The following POU6F2 variants were observed in gnomAD, a reference collection of about 807,000 sequenced individuals.
POU6F2 encodes the protein POU domain, class 6, transcription factor 2.
In POU6F2, 31 loss-of-function variants were observed where a neutral mutation model predicts 71.3. The ratio of observed to expected loss-of-function variants is 0.43; its 90% confidence interval spans 0.33 to 0.59. The LOEUF (loss-of-function observed/expected upper bound fraction) is 0.59. POU6F2 is among the 20% of genes least tolerant of loss of function. The probability of loss-of-function intolerance (pLI) is 0.04; values close to 1 mark genes in which losing one functional copy is unlikely to be tolerated. For missense variants in POU6F2, 783 were observed against 856.8 expected (o/e 0.91, Z 1.07); for synonymous variants, 347 against 355.7 (o/e 0.98, Z 0.27).
At chr7:39,219,032 A>G (rs750537409) in intron 4 of POU6F2, among the ~76,000 whole-genome samples, 1 of 152,214 alleles carries the variant, frequency 6.6e-6, no homozygotes, top group Non-Finnish European at 1.5e-5. Flanking sequence ...GACAGGCACA[A>G]TGGAGGCTAA....
chr7:39,294,840 C>T (rs965642249), intron 4 of POU6F2, among the ~76,000 whole-genome samples: 2 of 152,082 alleles, frequency 1.3e-5, no homozygotes, highest in African/African-American at 2.4e-5. Flanking sequence ...TGTATTTGAC[C>T]CCAGGGAAGA....
intron 4 of POU6F2, among the ~76,000 whole-genome samples, chr7:39,298,966 C>G (rs1350499895): frequency 6.6e-6 from 1 of 151,850 alleles, no homozygotes; most frequent in African/African-American, 2.4e-5. Flanking sequence ...TGAGAACACA[C>G]GGACACAGGG....
intron 5 of POU6F2, among the ~76,000 whole-genome samples, chr7:39,359,808 G>A (rs1786337812): frequency 6.6e-6 from 1 of 152,150 alleles, no homozygotes; most frequent in African/African-American, 2.4e-5. Flanking sequence ...AAAATTAAAG[G>A]TTATTGCATG....
At chr7:39,229,224 G>A (rs982977221) in intron 4 of POU6F2, among the ~76,000 whole-genome samples, 12 of 152,190 alleles carry the variant, frequency 7.9e-5, no homozygotes, top group Admixed American at 3.3e-4. Context: ...AAACAATAGG[G>A]CAGCATTTGT....
At chr7:39,071,138 G>C (rs1408984426) in intron 1 of POU6F2, among the ~76,000 whole-genome samples, 1 of 152,106 alleles carries the variant, frequency 6.6e-6, no homozygotes, top group Non-Finnish European at 1.5e-5. Flanking sequence ...TATAGAATCA[G>C]TGGGAGCCCT....
chr7:39,202,940 C>CA (rs1394573407), intron 2 of POU6F2, among the ~76,000 whole-genome samples: 2 of 152,288 alleles, frequency 1.3e-5, no homozygotes, highest in South Asian at 2.1e-4. Context: ...ACTTTCTGCA[C>CA]AAAAAATATT....
chr7:39,092,942 C>T (rs1466923846), intron 2 of POU6F2, among the ~76,000 whole-genome samples: 1 of 151,986 alleles, frequency 6.6e-6, no homozygotes, highest in African/African-American at 2.4e-5. Flanking sequence ...TTTAAAACTA[C>T]CTAACCAAGA....
chr7:39,103,404 A>G (rs1791615953), intron 2 of POU6F2, among the ~76,000 whole-genome samples: 1 of 152,184 alleles, frequency 6.6e-6, no homozygotes, highest in Non-Finnish European at 1.5e-5. Flanking sequence ...CGATCAATCA[A>G]GACACTCCAT....
At chr7:39,190,707 G>A (rs548100083) in intron 2 of POU6F2, among the ~76,000 whole-genome samples, 32 of 142,260 alleles carry the variant, frequency 2.2e-4, no homozygotes, top group African/African-American at 8.1e-4. Context: ...GCATGATCTC[G>A]GCTCACTGCA....
chr7:39,067,988 G>A (rs1188247517), intron 1 of POU6F2, among the ~76,000 whole-genome samples: 1 of 152,052 alleles, frequency 6.6e-6, no homozygotes, highest in Non-Finnish European at 1.5e-5. Context: ...TTTGGCAATG[G>A]TCCACGTTCT....
At chr7:39,133,047 A>G (rs1792322280) in intron 2 of POU6F2, among the ~76,000 whole-genome samples, 1 of 152,240 alleles carries the variant, frequency 6.6e-6, no homozygotes, top group Middle Eastern at 3.2e-3. Context: ...CCCGCTCATA[A>G]AACATCACAT....
intron 2 of POU6F2, among the ~76,000 whole-genome samples, chr7:39,142,307 G>T (rs532353306): frequency 1.3e-5 from 2 of 152,244 alleles, no homozygotes; most frequent in South Asian, 4.1e-4. Flanking sequence ...ATTGTTCTCA[G>T]AACATTATAC....
chr7:39,090,282 AT>A lies in POU6F2; in HGVS notation c.277+4258del, dbSNP rs1358803430. Among the ~76,000 whole-genome samples, 9 of 152,026 alleles carry A rather than the reference AT, an allele frequency of 5.9e-5. No individual in the cohort carries two copies. The East Asian group carries it at 1.7e-3, about 29-fold the overall frequency. ...TTCTCACAGAAACATGCATTATAAG[AT>A]TTTTTTCTTTCAAATTGCCATCCAG... On this transcript the variant is annotated intron_variant, in intron 2 of 9. Transcript: ENST00000518318.
chr7:39,099,896 G>T (rs570188363), intron 2 of POU6F2, among the ~76,000 whole-genome samples: 47 of 152,250 alleles, frequency 3.1e-4, no homozygotes, highest in African/African-American at 1.1e-3. Context: ...ATCAGCAGGG[G>T]CTCTGAACGT....
chr7:39,099,972 A>G (rs1791533856), intron 2 of POU6F2, among the ~76,000 whole-genome samples: 2 of 152,228 alleles, frequency 1.3e-5, no homozygotes, highest in Admixed American at 1.3e-4. Flanking sequence ...TGTAGAGAGC[A>G]TAAGCTTTGC....
chr7:39,006,674 C>A (rs375767461), intron 1 of POU6F2: 18 of 642,266 alleles, frequency 2.8e-5, no homozygotes, highest in Admixed American at 1.7e-4. Flanking sequence ...TCTGCCAAGT[C>A]CTGTAAAAAG....
intron 5 of POU6F2, among the ~76,000 whole-genome samples, chr7:39,344,653 C>T (rs984881311): frequency 1.0e-3 from 29 of 29,090 alleles, no homozygotes; most frequent in South Asian, 2.0e-3. Context: ...AAACCCCCTC[C>T]CCCCCCAGCA....
chr7:39,199,332 T>C (rs1793847556), intron 2 of POU6F2, among the ~76,000 whole-genome samples: 2 of 151,870 alleles, frequency 1.3e-5, no homozygotes, highest in African/African-American at 2.4e-5. Context: ...TTAAAAAGAG[T>C]ATATGTGTTT....
intron 2 of POU6F2, among the ~76,000 whole-genome samples, chr7:39,098,865 A>T (rs1791511997): frequency 6.6e-6 from 1 of 152,200 alleles, no homozygotes; most frequent in African/African-American, 2.4e-5. Flanking sequence ...TTTAGAAAGA[A>T]TCTGATTAAT....
Sources: gnomAD v4.1 joint callset for allele counts (sites outside exome capture counted in the v4.1 genomes callset) on GRCh38, gnomAD v4.1.1 for gene constraint, MANE v1.5 for transcripts, NCBI Gene and HGNC (gene_info 2026-07-23, HGNC 2026-07-21) for gene names.